Variants in ACTN2 observed in about 807,000 individuals in gnomAD.
ACTN2 encodes actinin alpha 2.
In ACTN2, 39 loss-of-function variants were observed where a neutral mutation model predicts 113.8. The observed-to-expected ratio is 0.34, with a 90% CI of 0.27 to 0.45. ACTN2 has a LOEUF of 0.45. Ranked by LOEUF, ACTN2 falls within the 20% of genes least tolerant of loss-of-function variation. The pLI is 1.00. For synonymous variants in ACTN2, 429 were observed against 444.1 expected (o/e 0.97, Z 0.43); for missense variants, 992 against 1,177.9 (o/e 0.84, Z 2.31).
intron 8 of ACTN2, among the ~76,000 whole-genome samples, chr1:236,736,217 A>T (rs1167969749): frequency 6.6e-6 from 1 of 152,248 alleles, no homozygotes; most frequent in Non-Finnish European, 1.5e-5. Flanking sequence ...TCTCAAGACA[A>T]ATAGCCCAAG....
rs1057521158 is a variant in ACTN2 at position 236,718,888 on chromosome 1, C to T, written c.242-6C>T. On this transcript the variant is annotated splice_region_variant and splice_polypyrimidine_tract_variant and intron_variant, in intron 2 of 20. Transcript: ENST00000366578. Reference sequence around the variant, plus strand: ...ATGTCTGCATGATTCTCTTTTCATCCAACAGGGGAAAGGCTGCCCAAACCT... The same window carrying T: ...ATGTCTGCATGATTCTCTTTTCATCTAACAGGGGAAAGGCTGCCCAAACCT... 1.9e-5 allele frequency: 30 copies of T among 1,614,014 alleles called. No individual in the cohort carries two copies. The highest frequency in any genetic ancestry group is 2.4e-5 in the Non-Finnish European group (28 of 1,180,028).
At chr1:236,709,940 A>G (rs542228817) in intron 1 of ACTN2, among the ~76,000 whole-genome samples, 1 of 152,364 alleles carries the variant, frequency 6.6e-6, no homozygotes, top group Non-Finnish European at 1.5e-5. Context: ...AAGGAAATGT[A>G]TAGATATGTT....
intron 8 of ACTN2, chr1:236,736,585 G>A: frequency 6.7e-7 from 1 of 1,490,608 alleles, no homozygotes; most frequent in East Asian, 2.5e-5. Flanking sequence ...AGCACACTCA[G>A]CTCTGTGGAA....
intron 7 of ACTN2, among the ~76,000 whole-genome samples, chr1:236,732,620 T>A (rs1037425270): frequency 6.6e-6 from 1 of 151,934 alleles, no homozygotes; most frequent in Non-Finnish European, 1.5e-5. Context: ...TTTTTGTTTT[T>A]TTAGTAGAGA....
chr1:236,738,002 CTTTGTTTTGT>C (rs71881127), intron 9 of ACTN2, among the ~76,000 whole-genome samples: 1 of 151,932 alleles, frequency 6.6e-6, no homozygotes, highest in Admixed American at 6.6e-5. Flanking sequence ...TTATTTTTTG[CTTTGTTTTGT>C]TTTGTTTTGT....
chr1:236,725,889 A>C (rs750323906), intron 4 of ACTN2, 44 bp from the exon 5 acceptor site: 6 of 1,569,542 alleles, frequency 3.8e-6, no homozygotes, highest in Non-Finnish European at 5.3e-6. Flanking sequence ...AAGTGAACTA[A>C]GCGGCATTTC....
chr1:236,762,490 G>A lies in ACTN2; in HGVS notation c.2556G>A (p.Arg852=), dbSNP rs1362873015. Residue 852 remains arginine (R), a synonymous_variant, in exon 21 of 21, where the codon CGG becomes CGA. Transcript: ENST00000366578. ...KPYILAEELR[R]ELPPDQAQYC... Reference sequence around the variant, plus strand: ...ACATCCTGGCGGAGGAGCTGCGTCGGGAGCTGCCCCCGGATCAGGCCCAGT... The same window carrying A: ...ACATCCTGGCGGAGGAGCTGCGTCGAGAGCTGCCCCCGGATCAGGCCCAGT... 6.2e-7 allele frequency: 1 copy of A among 1,614,018 alleles called. No homozygotes were observed. The highest frequency in any genetic ancestry group is 1.7e-5 in the Admixed American group (1 of 60,002).
chr1:236,755,245 A>G, intron 17 of ACTN2, 47 bp downstream of exon 17: 8 of 1,608,990 alleles, frequency 5.0e-6, no homozygotes, highest in South Asian at 4.4e-5. Context: ...CACGGGGACC[A>G]TGCCACCTCC....
At chr1:236,728,947 C>A (rs1658640719) in intron 6 of ACTN2, among the ~76,000 whole-genome samples, 2 of 152,034 alleles carry the variant, frequency 1.3e-5, no homozygotes, top group Admixed American at 6.5e-5. Context: ...ATATCAATGT[C>A]CTTTCTGAAG....
At chr1:236,728,097 T>A (rs1333556112) in intron 6 of ACTN2, among the ~76,000 whole-genome samples, 1 of 152,044 alleles carries the variant, frequency 6.6e-6, no homozygotes, top group Non-Finnish European at 1.5e-5. Flanking sequence ...ATATGAGAAG[T>A]GAAACCTCTA....
chr1:236,698,682 CA>C (rs1385603111), intron 1 of ACTN2, among the ~76,000 whole-genome samples: 1 of 151,896 alleles, frequency 6.6e-6, no homozygotes, highest in Non-Finnish European at 1.5e-5. Flanking sequence ...ACACTAAAGC[CA>C]AAAAATATTC....
chr1:236,727,460 C>T (rs979872845), intron 5 of ACTN2, among the ~76,000 whole-genome samples: 1 of 152,024 alleles, frequency 6.6e-6, no homozygotes, highest in African/African-American at 2.4e-5. Context: ...GGAGACAGGG[C>T]AAGTCTCAGG....
At chr1:236,750,094 T>C (rs923783858) in intron 14 of ACTN2, among the ~76,000 whole-genome samples, 3 of 152,196 alleles carry the variant, frequency 2.0e-5, no homozygotes, top group Non-Finnish European at 4.4e-5. Context: ...ACAAAGCTTC[T>C]AAGTGGTGAC....
At chr1:236,689,927 C>T (rs75716382) in intron 1 of ACTN2, among the ~76,000 whole-genome samples, 5,787 of 152,258 alleles carry the variant, frequency 0.038, 363 homozygotes, top group African/African-American at 0.13. Flanking sequence ...AAGCTCAGGA[C>T]GCTGTCCTTA....
At chr1:236,743,670 TG>T (rs1659141424) in intron 11 of ACTN2, among the ~76,000 whole-genome samples, 1 of 152,060 alleles carries the variant, frequency 6.6e-6, no homozygotes, top group Non-Finnish European at 1.5e-5. Context: ...GTTTTGAGAT[TG>T]GGGAGATTTT....
chr1:236,687,517 C>T (rs140102301), intron 1 of ACTN2, among the ~76,000 whole-genome samples: 101 of 152,314 alleles, frequency 6.6e-4, no homozygotes, highest in African/African-American at 2.3e-3. Context: ...AGGCTTAATC[C>T]CGCCTCTTAC....
intron 17 of ACTN2, among the ~76,000 whole-genome samples, chr1:236,755,727 A>G: frequency 8.7e-6 from 1 of 114,992 alleles, no homozygotes. Flanking sequence ...CTGGTTATAG[A>G]GTATATACTG....
intron 14 of ACTN2, among the ~76,000 whole-genome samples, chr1:236,751,014 C>G (rs1469987239): frequency 6.8e-6 from 1 of 147,802 alleles, no homozygotes; most frequent in Non-Finnish European, 1.5e-5. Flanking sequence ...TACTTGAGCC[C>G]AAGTGTTCAA....
At chr1:236,697,698 G>A (rs993276137) in intron 1 of ACTN2, among the ~76,000 whole-genome samples, 6 of 151,984 alleles carry the variant, frequency 3.9e-5, no homozygotes, top group Non-Finnish European at 5.9e-5. Context: ...TTTAGTTACT[G>A]GAACAGAAAC....
Sources: allele counts gnomAD v4.1 joint callset (sites outside exome capture counted in the v4.1 genomes callset), GRCh38; gene constraint gnomAD v4.1.1; transcripts MANE v1.5; gene names NCBI Gene and HGNC (gene_info 2026-07-23, HGNC 2026-07-21).